Variants in ZNG1B observed in about 807,000 individuals in gnomAD.
ZNG1B encodes Zn regulated GTPase metalloprotein activator 1B, also known as zinc-regulated GTPase metalloprotein activator 1B.
At chr2:113,477,183 G>A in the ZNG1B span, among the ~76,000 whole-genome samples, 50 of 152,274 alleles carry the variant, frequency 3.3e-4, no homozygotes, top group South Asian at 6.2e-4. Context: ...CCGTGGGCGT[G>A]GGACCCTCCG....
chr2:113,476,889 C>G, the ZNG1B span, among the ~76,000 whole-genome samples: 2 of 152,220 alleles, frequency 1.3e-5, no homozygotes, highest in African/African-American at 4.8e-5. Context: ...AGATCTCCAG[C>G]TGCGTGCTGG....
the ZNG1B span, among the ~76,000 whole-genome samples, chr2:113,479,018 T>A: frequency 6.6e-6 from 1 of 152,048 alleles, no homozygotes; most frequent in Non-Finnish European, 1.5e-5. Flanking sequence ...ACTAAACAAA[T>A]TACGGTTAAA....
At chr2:113,455,890 G>T in the ZNG1B span, among the ~76,000 whole-genome samples, 4 of 140,040 alleles carry the variant, frequency 2.9e-5, no homozygotes, top group African/African-American at 1.1e-4. Context: ...AGCTAATTTT[G>T]TATTTTTAGT....
chr2:113,460,517 G>C, the ZNG1B span, among the ~76,000 whole-genome samples: 16 of 152,260 alleles, frequency 1.1e-4, no homozygotes, highest in East Asian at 2.1e-3. Context: ...AATGCTTTTA[G>C]CTAGAAAAGT....
At chr2:113,476,001 G>T in the ZNG1B span, among the ~76,000 whole-genome samples, 1 of 152,068 alleles carries the variant, frequency 6.6e-6, no homozygotes, top group Admixed American at 6.6e-5. Context: ...AATCTTTGTG[G>T]CATTCTCTGT....
chr2:113,439,215 A>G, the ZNG1B span: 4 of 1,430,044 alleles, frequency 2.8e-6, no homozygotes, highest in Non-Finnish European at 3.8e-6. Flanking sequence ...TTTCACTCCT[A>G]TCCCTGACCA....
the ZNG1B span, among the ~76,000 whole-genome samples, chr2:113,474,047 G>A: frequency 1.5e-3 from 231 of 151,946 alleles, 2 homozygotes; most frequent in African/African-American, 5.3e-3. Flanking sequence ...GATTGGAATA[G>A]TTTCAGAAGG....
chr2:113,495,234 C>T, the ZNG1B span: 5 of 1,511,932 alleles, frequency 3.3e-6, 2 homozygotes, highest in Non-Finnish European at 4.4e-6. Flanking sequence ...GAGAACAAAT[C>T]GATTGGTCCT....
the ZNG1B span, among the ~76,000 whole-genome samples, chr2:113,484,303 T>C: frequency 6.7e-6 from 1 of 148,598 alleles, no homozygotes; most frequent in African/African-American, 2.5e-5. Flanking sequence ...GATTTTTCTC[T>C]GTGACCCTTC....
At chr2:113,447,478 A>G in the ZNG1B span, 3 of 421,132 alleles carry the variant, frequency 7.1e-6, no homozygotes, top group African/African-American at 2.2e-5. Context: ...GTGCTGACCA[A>G]TCAGGGTAGT....
chr2:113,481,993 T>A, the ZNG1B span: 93 of 927,728 alleles, frequency 1.0e-4, no homozygotes, highest in East Asian at 1.0e-3. Flanking sequence ...TAAGAAATTT[T>A]AAAAAAACTT....
chr2:113,439,853 C>G, the ZNG1B span, among the ~76,000 whole-genome samples: 8 of 151,010 alleles, frequency 5.3e-5, no homozygotes, highest in African/African-American at 1.9e-4. Context: ...CTGAATTCCC[C>G]TCCATTCCCC....
the ZNG1B span, among the ~76,000 whole-genome samples, chr2:113,474,584 T>G: frequency 5.5e-5 from 8 of 144,776 alleles, no homozygotes; most frequent in East Asian, 3.9e-4. Flanking sequence ...TGATGTTAGG[T>G]TGTCAATTTT....
the ZNG1B span, among the ~76,000 whole-genome samples, chr2:113,492,084 T>G: frequency 2.2e-5 from 3 of 138,324 alleles, 1 homozygote; most frequent in Non-Finnish European, 1.6e-5. Context: ...GTGTGGAGAT[T>G]CCTTAAAGAA....
the ZNG1B span, chr2:113,460,732 A>G: frequency 1.3e-6 from 2 of 1,593,394 alleles, no homozygotes; most frequent in Non-Finnish European, 1.7e-6. Context: ...ATTCATATTT[A>G]AAGTATATAT....
chr2:113,474,809 T>G, the ZNG1B span, among the ~76,000 whole-genome samples: 1 of 152,140 alleles, frequency 6.6e-6, no homozygotes, highest in African/African-American at 2.4e-5. Flanking sequence ...TTGAGTGAGA[T>G]TCTTAATCCT....
chr2:113,444,678 A>C, the ZNG1B span, among the ~76,000 whole-genome samples: 3 of 151,844 alleles, frequency 2.0e-5, no homozygotes, highest in Non-Finnish European at 2.9e-5. Context: ...AAATTTCATA[A>C]AGCTATAAAA....
chr2:113,470,089 T>G, the ZNG1B span: 2 of 151,996 alleles, frequency 1.3e-5, no homozygotes, highest in African/African-American at 4.8e-5. Context: ...TTTCCTGGGT[T>G]CAAATGATTC....
the ZNG1B span, chr2:113,470,853 T>C: frequency 1.3e-6 from 1 of 742,584 alleles, no homozygotes; most frequent in Non-Finnish European, 2.1e-6. Flanking sequence ...ACCTAATTCA[T>C]TGAAGTAATA....
Sources: gnomAD v4.1 joint callset for allele counts (sites outside exome capture counted in the v4.1 genomes callset) on GRCh38, gnomAD v4.1.1 for gene constraint, MANE v1.5 for transcripts, NCBI Gene and HGNC (gene_info 2026-07-23, HGNC 2026-07-21) for gene names.